The following CTNS variants were observed in gnomAD, a reference collection of about 807,000 sequenced individuals.
The protein encoded by CTNS is cystinosin, lysosomal cystine transporter.
CTNS carries 27 observed loss-of-function variants against 43.7 expected under a neutral mutation model. The observed-to-expected ratio is 0.62, with a 90% confidence interval of 0.46 to 0.85. The LOEUF (loss-of-function observed/expected upper bound fraction) is 0.85, where lower values mean the gene tolerates loss of function less well. Among genes scored for constraint, CTNS ranks in the 40% least tolerant of loss-of-function variants. CTNS has a pLI of 0.00. For synonymous variants in CTNS, 187 were observed against 190.6 expected (o/e 0.98, Z 0.16); for missense variants, 457 against 475.4 (o/e 0.96, Z 0.36).
At chr17:3,637,687 G>A (rs1380093472) in intron 2 of CTNS, among the ~76,000 whole-genome samples, 3 of 151,922 alleles carry the variant, frequency 2.0e-5, no homozygotes, top group Non-Finnish European at 4.4e-5. Flanking sequence ...GGCTGGTCTC[G>A]AACTCCTGAC....
At chr17:3,659,830 C>CGT in intron 10 of CTNS, 28 bp from the exon 11 acceptor site, 1 of 1,570,316 alleles carries the variant, frequency 6.4e-7, no homozygotes, top group Non-Finnish European at 8.8e-7. Context: ...CACCGCCCTC[C>CGT]GTCTGTCTGT....
chr17:3,647,960 C>T (rs2075884376), intron 4 of CTNS, among the ~76,000 whole-genome samples: 1 of 152,212 alleles, frequency 6.6e-6, no homozygotes, highest in Non-Finnish European at 1.5e-5. Flanking sequence ...GCCGCTCATG[C>T]TGGGCCTTGT....
At chr17:3,660,193 G>A (rs376571017) in intron 11 of CTNS, 43 bp from the exon 12 acceptor site, 3 of 1,613,304 alleles carry the variant, frequency 1.9e-6, no homozygotes, top group Non-Finnish European at 2.5e-6. Flanking sequence ...TGCCTCAGGA[G>A]CTGCCAACCT....
chr17:3,639,991 C>T (rs989626708), intron 2 of CTNS, among the ~76,000 whole-genome samples, 197 bp from the exon 3 acceptor site: 3 of 152,138 alleles, frequency 2.0e-5, no homozygotes, highest in African/African-American at 4.8e-5. Flanking sequence ...GCTCGGAGCC[C>T]GTTTCCCCTG....
intron 7 of CTNS, 74 bp downstream of exon 7, chr17:3,655,426 A>G: frequency 1.3e-6 from 2 of 1,591,604 alleles, no homozygotes; most frequent in Non-Finnish European, 1.7e-6. Flanking sequence ...GGCTGCCGAT[A>G]GCGCAGCCTC....
chr17:3,657,419 C>A (rs911941151), intron 9 of CTNS, among the ~76,000 whole-genome samples: 1 of 152,214 alleles, frequency 6.6e-6, no homozygotes, highest in Non-Finnish European at 1.5e-5. Context: ...CTTTGCTTTC[C>A]CTTCTCTCAG....
intron 9 of CTNS, chr17:3,657,722 G>A (rs368150635): frequency 3.6e-5 from 19 of 521,112 alleles, no homozygotes; most frequent in Middle Eastern, 5.2e-4. Flanking sequence ...GAACAAAGCA[G>A]ACAGAGCTTG....
Position 3,656,506 on chromosome 17 carries a change from G to C in CTNS, c.481G>C (p.Asp161His), listed in dbSNP as rs371533565. The C allele has an allele frequency of 6.3e-7, 1 of 1,598,176 alleles. No homozygotes were observed. Among genetic ancestry groups the C allele is most frequent in the East Asian group, 2.2e-5 (1 of 44,458 alleles). The part of the protein sequence containing the change: ...RRKSVIGLSF[D>H]FVALNLTGFV... Reference sequence around the variant, plus strand: ...CTGCAGTGTCATTGGTCTGAGCTTCGACTTCGTGGCTCTGAACCTGACGGG... The same window carrying C: ...CTGCAGTGTCATTGGTCTGAGCTTCCACTTCGTGGCTCTGAACCTGACGGG... The change falls in exon 8 of 12, where the codon GAC (aspartate) becomes CAC (histidine). Residue 161 changes from aspartate to histidine, a missense_variant. Coordinates refer to ENST00000046640, the MANE Select transcript of CTNS (RefSeq NM_004937.3).
rs753056706 is a variant in CTNS, at chr17:3,650,357, C to T, written c.225+1426C>T. 1.7e-5 allele frequency: 26 copies of T among 1,544,014 alleles called. 1 individual carries two copies. The South Asian group carries it at 2.5e-4, about 15-fold the overall frequency. Reference sequence around the variant, plus strand: ...CATCGCTGGCTGCAGAGATGTGCACCTGTAATCCCAGCTACTTGGGAGGCT... The same window carrying T: ...CATCGCTGGCTGCAGAGATGTGCACTTGTAATCCCAGCTACTTGGGAGGCT... On this transcript the variant is annotated intron_variant, in intron 5 of 11. Coordinates refer to ENST00000046640, the MANE Select transcript of CTNS (RefSeq NM_004937.3).
chr17:3,657,734 G>C lies in CTNS; in HGVS notation c.682-271G>C, dbSNP rs939736188. On this transcript the variant is annotated intron_variant, in intron 9 of 11. Transcript: ENST00000046640. ...TAGGAACAAAGCAGACAGAGCTTGA[G>C]AGTCCAAGCAGCCTGAACAGGAGGC... 4.0e-5 allele frequency: 22 copies of C among 543,328 alleles called. 3 individuals are homozygous for C. Among genetic ancestry groups the C allele is most frequent in the Admixed American group, 9.4e-5 (3 of 32,014 alleles). 33.7% of individuals were successfully genotyped at this position (543,328 alleles called of 1,614,324 possible).
intron 3 of CTNS, among the ~76,000 whole-genome samples, chr17:3,640,809 C>T (rs1199950771): frequency 6.6e-6 from 1 of 152,124 alleles, no homozygotes; most frequent in African/African-American, 2.4e-5. Flanking sequence ...GAGGCTGAGG[C>T]AGGAAGATTG....
Position 3,661,083 on chromosome 17 carries a change from TCTC to T in CTNS, c.*717_*719del, listed in dbSNP as rs1408373189. ...AAGTGGCTTACTCTCTTCTGCCCTC[TCTC>T]CTACCTCCACCTTCTCAGATTAGCC... On this transcript the variant is annotated 3_prime_UTR_variant, in exon 12 of 12. Coordinates refer to ENST00000046640, the MANE Select transcript of CTNS (RefSeq NM_004937.3). 1 of 368,100 alleles carries T rather than the reference TCTC, an allele frequency of 2.7e-6. No homozygotes were observed. Among genetic ancestry groups the T allele is most frequent in the East Asian group, 6.9e-5 (1 of 14,544 alleles). 22.8% of individuals were successfully genotyped at this position (368,100 alleles called of 1,614,324 possible).
At chr17:3,639,154 A>C (rs1389858634) in intron 2 of CTNS, among the ~76,000 whole-genome samples, 4 of 152,114 alleles carry the variant, frequency 2.6e-5, no homozygotes, top group Admixed American at 6.6e-5. Context: ...AGTCTGCAGG[A>C]GGCCCGTGAG....
At chr17:3,649,823 T>G in intron 5 of CTNS, among the ~76,000 whole-genome samples, 1 of 152,082 alleles carries the variant, frequency 6.6e-6, no homozygotes, top group Admixed American at 6.6e-5. Flanking sequence ...ACAGAGGAGG[T>G]GGCAAATAAG....
chr17:3,641,052 G>A (rs1232560406), intron 3 of CTNS, among the ~76,000 whole-genome samples: 4 of 152,082 alleles, frequency 2.6e-5, no homozygotes, highest in Non-Finnish European at 5.9e-5. Context: ...TGAGGAGTCT[G>A]CCCAGCATCC....
At chr17:3,657,518 G>T (rs1948882647) in intron 9 of CTNS, 1 of 225,856 alleles carries the variant, frequency 4.4e-6, no homozygotes, top group South Asian at 6.8e-5. Flanking sequence ...TTGGTGTGAA[G>T]CGAGAGTGAA....
At chr17:3,649,032 C>T in intron 5 of CTNS, 101 bp downstream of exon 5, 1 of 955,824 alleles carries the variant, frequency 1.0e-6, no homozygotes, top group Non-Finnish European at 1.7e-6. Flanking sequence ...GGCCCCTGTT[C>T]CATCAACCTA....
intron 2 of CTNS, among the ~76,000 whole-genome samples, chr17:3,638,330 C>G (rs914197594): frequency 3.3e-5 from 5 of 151,776 alleles, no homozygotes; most frequent in African/African-American, 9.7e-5. Context: ...CTCCACCTCC[C>G]GGGTTCAAGC....
chr17:3,639,923 A>G (rs1224917078), intron 2 of CTNS, among the ~76,000 whole-genome samples: 3 of 152,150 alleles, frequency 2.0e-5, no homozygotes, highest in Non-Finnish European at 4.4e-5. Flanking sequence ...TTGAAGAGGG[A>G]AAAATTCTGG....
Sources: allele counts gnomAD v4.1 joint callset (sites outside exome capture counted in the v4.1 genomes callset), GRCh38; gene constraint gnomAD v4.1.1; transcripts MANE v1.5; gene names NCBI Gene and HGNC (gene_info 2026-07-23, HGNC 2026-07-21).